ATL2: variants seen among roughly 807,000 people sequenced by gnomAD.
ATL2 encodes atlastin GTPase 2.
In ATL2, 31 loss-of-function variants were observed where a neutral mutation model predicts 73.9. The ratio of observed to expected loss-of-function variants is 0.42; its 90% confidence interval spans 0.32 to 0.57. The LOEUF (loss-of-function observed/expected upper bound fraction) is 0.57, where lower values mean the gene tolerates loss of function less well. Among genes scored for constraint, ATL2 ranks in the 20% least tolerant of loss-of-function variants. The pLI, the probability that ATL2 is intolerant of heterozygous loss-of-function variation, is 0.14. For missense variants in ATL2, 738 were observed against 702.6 expected, an observed-to-expected ratio of 1.05 and a Z score of -0.57; for synonymous variants, 291 against 237.5, an observed-to-expected ratio of 1.23 and a Z score of -2.07.
At chr2:38,306,640 G>T (rs569450052) in intron 9 of ATL2, among the ~76,000 whole-genome samples, 2 of 152,238 alleles carry the variant, frequency 1.3e-5, no homozygotes, top group South Asian at 4.1e-4. Context: ...CCAGAATGAA[G>T]AACAAAAACC....
intron 9 of ATL2, among the ~76,000 whole-genome samples, chr2:38,307,060 A>G (rs1222707810): frequency 2.0e-5 from 3 of 152,152 alleles, no homozygotes; most frequent in Non-Finnish European, 4.4e-5. Flanking sequence ...TGAAACTACT[A>G]AAAGAACACA....
At chr2:38,364,426 G>C (rs1201628430) in intron 1 of ATL2, among the ~76,000 whole-genome samples, 1 of 152,156 alleles carries the variant, frequency 6.6e-6, no homozygotes, top group African/African-American at 2.4e-5. Flanking sequence ...GCGCAAATCA[G>C]ATATAAGGCA....
chr2:38,305,921 A>G (rs1338940686), intron 9 of ATL2, among the ~76,000 whole-genome samples: 1 of 152,178 alleles, frequency 6.6e-6, no homozygotes, highest in African/African-American at 2.4e-5. Flanking sequence ...AGTTAGCGAA[A>G]TTGAAATAAA....
intron 4 of ATL2, among the ~76,000 whole-genome samples, chr2:38,316,579 G>A (rs1233934915): frequency 6.6e-6 from 1 of 151,868 alleles, no homozygotes; most frequent in Admixed American, 6.6e-5. Context: ...CCACCCAAAG[G>A]CAAGGAAGAA....
At chr2:38,341,468 T>C (rs760503710) in intron 2 of ATL2, among the ~76,000 whole-genome samples, 3 of 152,030 alleles carry the variant, frequency 2.0e-5, no homozygotes, top group Non-Finnish European at 4.4e-5. Flanking sequence ...GAGAACCCCA[T>C]CTTTACAAAA....
intron 1 of ATL2, among the ~76,000 whole-genome samples, chr2:38,352,763 A>C (rs2124441443): frequency 6.6e-6 from 1 of 152,368 alleles, no homozygotes; most frequent in Admixed American, 6.5e-5. Context: ...GACATATCTT[A>C]GAATTAAGGG....
At chr2:38,300,138 T>TA in intron 10 of ATL2, 134 bp downstream of exon 10, 1 of 699,590 alleles carries the variant, frequency 1.4e-6, no homozygotes. Flanking sequence ...CCACGACACA[T>TA]ACGGCCTTAA....
chr2:38,352,033 A>G (rs925372214), intron 1 of ATL2, among the ~76,000 whole-genome samples: 4 of 134,586 alleles, frequency 3.0e-5, no homozygotes, highest in African/African-American at 1.1e-4. Flanking sequence ...AATTGCTTGA[A>G]CCCAGGGGTG....
Position 38,313,252 on chromosome 2 carries a change from A to C in ATL2, c.712-9T>G. ...ATCAAAAACATTAATGTCTATACAC[A>C]GAAAAAATAAAAATTGTTTATTTTA... On this transcript the variant is annotated splice_polypyrimidine_tract_variant and intron_variant, in intron 6 of 12. Transcript: ENST00000378954. 1 of 1,570,276 alleles carries C rather than the reference A, an allele frequency of 6.4e-7. No individual in the cohort carries two copies. Among genetic ancestry groups the C allele is most frequent in the Non-Finnish European group, 8.6e-7 (1 of 1,157,380 alleles).
upstream of ATL2, among the ~76,000 whole-genome samples, chr2:38,377,740 CT>C (rs1399367796): frequency 1.3e-5 from 2 of 151,898 alleles, no homozygotes; most frequent in East Asian, 1.9e-4. Context: ...TCATCGCCCC[CT>C]CCTCATCACA....
rs540047585 is a variant in ATL2, at chr2:38,347,471, G to A, written c.119-3959C>T. ...TTATCTCCTCAGCATGGCCCTCCCT[G>A]ACCACTCAATCTAAATCACAGATCC... On this transcript the variant is annotated intron_variant, in intron 1 of 12. Coordinates refer to ENST00000378954, the MANE Select transcript of ATL2 (RefSeq NM_001135673.4). Among the ~76,000 whole-genome samples, 128 of 152,214 alleles carry A rather than the reference G, an allele frequency of 8.4e-4. 1 individual carries two copies. In the South Asian group the frequency reaches 0.024, roughly 29 times the overall value.
At chr2:38,324,146 T>C (rs1187960584) in intron 2 of ATL2, among the ~76,000 whole-genome samples, 1 of 152,040 alleles carries the variant, frequency 6.6e-6, no homozygotes, top group Non-Finnish European at 1.5e-5. Context: ...AGCATGGTGG[T>C]GCATGCCTGT....
intron 11 of ATL2, among the ~76,000 whole-genome samples, 155 bp downstream of exon 11, chr2:38,299,101 T>C (rs925261197): frequency 3.9e-5 from 6 of 152,198 alleles, no homozygotes; most frequent in African/African-American, 7.2e-5. Context: ...TTTCTTATAG[T>C]TTATTTCCAG....
At chr2:38,315,439 C>T in intron 4 of ATL2, 105 bp from the exon 5 acceptor site, 1 of 1,159,242 alleles carries the variant, frequency 8.6e-7, no homozygotes. Context: ...TATCTCAGCG[C>T]AAAGGAATCA....
upstream of ATL2, among the ~76,000 whole-genome samples, chr2:38,377,736 C>T (rs1672075332): frequency 6.6e-6 from 1 of 151,384 alleles, no homozygotes; most frequent in Non-Finnish European, 1.5e-5. Context: ...CTTTTCATCG[C>T]CCCCTCCTCA....
At chr2:38,314,392 G>C (rs1667916837) in intron 6 of ATL2, among the ~76,000 whole-genome samples, 1 of 152,036 alleles carries the variant, frequency 6.6e-6, no homozygotes. Context: ...CTAAGTGAAA[G>C]CATTAAGAAT....
chr2:38,315,485 G>T, intron 4 of ATL2, 151 bp from the exon 5 acceptor site: 1 of 795,128 alleles, frequency 1.3e-6, no homozygotes, highest in Non-Finnish European at 1.8e-6. Flanking sequence ...ATGTGAAAAG[G>T]ATTTTCTCTT....
intron 1 of ATL2, among the ~76,000 whole-genome samples, chr2:38,358,253 G>A (rs1400878461): frequency 6.6e-6 from 1 of 152,076 alleles, no homozygotes; most frequent in Non-Finnish European, 1.5e-5. Flanking sequence ...AAGTTTTCAA[G>A]CTAAACTGTA....
rs1379080579 is a variant in ATL2, at chr2:38,346,669, C to T, written c.119-3157G>A. Among the ~76,000 whole-genome samples, 7 of 152,166 alleles carry T rather than the reference C, an allele frequency of 4.6e-5. No individual in the cohort carries two copies. In the South Asian group the frequency reaches 1.0e-3, roughly 23 times the overall value. ...CACGTGCAGTTCACAATAAGGTTCGCGCTCCTATGAGAATCTGATGTCACC... is the reference window on the plus strand; with the variant it reads ...CACGTGCAGTTCACAATAAGGTTCGTGCTCCTATGAGAATCTGATGTCACC... On this transcript the variant is annotated intron_variant, in intron 1 of 12. Coordinates refer to ENST00000378954, the MANE Select transcript of ATL2 (RefSeq NM_001135673.4).
Sources: allele counts gnomAD v4.1 joint callset (sites outside exome capture counted in the v4.1 genomes callset), GRCh38; gene constraint gnomAD v4.1.1; transcripts MANE v1.5; gene names NCBI Gene and HGNC (gene_info 2026-07-23, HGNC 2026-07-21).